The following PTOV1 variants were observed in gnomAD, a reference collection of about 807,000 sequenced individuals.
PTOV1 encodes prostate tumor-overexpressed gene 1 protein.
A neutral mutation model predicts 58.0 loss-of-function variants in PTOV1; 20 were observed. The observed-to-expected ratio is 0.34, with a 90% CI of 0.24 to 0.50. PTOV1 has a LOEUF of 0.50. PTOV1 is among the 20% of genes least tolerant of loss of function. The probability of loss-of-function intolerance (pLI) is 0.98; values close to 1 mark genes in which losing one functional copy is unlikely to be tolerated. For synonymous variants in PTOV1, 335 were observed against 234.2 expected (o/e 1.43, Z -3.93); for missense variants, 593 against 565.4 (o/e 1.05, Z -0.50).
chr19:49,858,277 A>C, intron 9 of PTOV1, 163 bp downstream of exon 9: 3 of 973,404 alleles, frequency 3.1e-6, no homozygotes, highest in South Asian at 1.6e-5. Context: ...GCTTGGCTTC[A>C]AGGGGTCCCA....
upstream of PTOV1, chr19:49,850,764 C>A (rs138145724): frequency 1.1e-3 from 1,448 of 1,297,080 alleles, 15 homozygotes; most frequent in African/African-American, 0.02. Context: ...GCAATCCGTA[C>A]CCTCAGTGGG....
intron 9 of PTOV1, 55 bp from the exon 10 acceptor site, chr19:49,858,494 C>G (rs1168259467): frequency 7.0e-7 from 1 of 1,433,744 alleles, no homozygotes; most frequent in East Asian, 2.5e-5. Context: ...GGGCTGGGAG[C>G]CGGGAGGCCG....
At chr19:49,857,944 C>T (rs779661768) in exon 8 of PTOV1, 1 of 1,613,848 alleles carries the variant, frequency 6.2e-7, no homozygotes. Flanking sequence ...AGGTGGCTGC[C>T]ATCCCACGTC....
chr19:49,851,626 C>A, intron 1 of PTOV1, 127 bp downstream of exon 1: 1 of 1,060,200 alleles, frequency 9.4e-7, no homozygotes, highest in Admixed American at 4.9e-5. Flanking sequence ...AGGGTGGTCC[C>A]GCCCGGGGCC....
intron 5 of PTOV1, 161 bp from the exon 6 acceptor site, chr19:49,856,814 G>T (rs541830157): frequency 3.7e-6 from 3 of 817,322 alleles, no homozygotes; most frequent in Non-Finnish European, 5.6e-6. Context: ...GGCGCTGCAC[G>T]GGCTCTCAGA....
At chr19:49,857,494 G>C (rs1325365371) in intron 6 of PTOV1, 199 bp from the exon 7 acceptor site, 1 of 637,272 alleles carries the variant, frequency 1.6e-6, no homozygotes, top group Non-Finnish European at 2.8e-6. Flanking sequence ...GTGAGGGCCG[G>C]GACCTGTCTC....
At chr19:49,860,695 C>T (rs1018638976) in exon 12 of PTOV1, 19 of 355,770 alleles carry the variant, frequency 5.3e-5, no homozygotes, top group South Asian at 1.8e-4. Context: ...CCTCCAAGGA[C>T]GGTCCCCACC....
chr19:49,856,646 CT>C, intron 5 of PTOV1: 1 of 345,536 alleles, frequency 2.9e-6, no homozygotes, highest in South Asian at 3.8e-5. Context: ...TGCCTGTGCT[CT>C]TAACCCCCAG....
intron 1 of PTOV1, chr19:49,852,183 C>G: frequency 1.5e-6 from 1 of 668,518 alleles, no homozygotes. Context: ...CGTGCACACG[C>G]TTGCCCCGAT....
intron 6 of PTOV1, 64 bp from the exon 7 acceptor site, chr19:49,857,629 A>G: frequency 6.8e-7 from 1 of 1,476,990 alleles, no homozygotes; most frequent in Non-Finnish European, 9.4e-7. Flanking sequence ...GGCAGGCCCC[A>G]GGACAGACAG....
intron 9 of PTOV1, 66 bp downstream of exon 9, chr19:49,858,180 G>A (rs1600393067): frequency 1.9e-6 from 3 of 1,561,164 alleles, no homozygotes; most frequent in East Asian, 2.3e-5. Context: ...GGGGCTGGGG[G>A]CAAGAGCGCC....
exon 7 of PTOV1, chr19:49,857,742 A>G (rs1463710925): frequency 2.5e-6 from 4 of 1,614,044 alleles, no homozygotes; most frequent in Non-Finnish European, 3.4e-6. Context: ...ATCGTCAACA[A>G]CAAGTTTCTG....
intron 1 of PTOV1, 135 bp from the exon 2 acceptor site, chr19:49,854,271 T>C (rs1381185549): frequency 8.3e-7 from 1 of 1,199,290 alleles, no homozygotes; most frequent in Non-Finnish European, 1.2e-6. Flanking sequence ...GCAGAGGGTT[T>C]GGACATGGCC....
At chr19:49,860,585 A>C in exon 12 of PTOV1, 1 of 539,016 alleles carries the variant, frequency 1.9e-6, no homozygotes, top group South Asian at 2.7e-5. Context: ...GCCTGTGGCC[A>C]GCAGCCCCCA....
upstream of PTOV1, chr19:49,851,024 G>A: frequency 6.5e-7 from 1 of 1,527,286 alleles, no homozygotes; most frequent in South Asian, 1.2e-5. Flanking sequence ...ACTCCCCCGC[G>A]CCGGAGAGGC....
intron 5 of PTOV1, 128 bp downstream of exon 5, chr19:49,855,205 C>G (rs1457234496): frequency 2.3e-6 from 2 of 855,336 alleles, no homozygotes; most frequent in African/African-American, 3.4e-5. Context: ...CGTGGCCTCT[C>G]GGACCCCATC....
At chr19:49,860,352 G>GTCATGTACA (rs2074699210) in exon 12 of PTOV1, 2 of 1,262,986 alleles carry the variant, frequency 1.6e-6, no homozygotes, top group Non-Finnish European at 2.1e-6. Flanking sequence ...TGGTGACCCT[G>GTCATGTACA]TCATGTACAG....
chr19:49,851,348 C>A lies in PTOV1; in HGVS notation c.20C>A (p.Ala7Asp), dbSNP rs563641001. The change falls in exon 1 of 12, where the codon GCC (alanine) becomes GAC (aspartate). Residue 7 changes from alanine to aspartate, a missense_variant. Physicochemically the swap from Ala to Asp is moderately radical, Grantham distance 126 (BLOSUM62 -2). Transcript: ENST00000391842. The stretch of plus-strand genomic sequence containing the variant: ...CCCGCCATGGTCCGTCCGCGCCGTG[C>A]CCCGTACCGCTCCGGCGCCGGGGGC... The A allele has an allele frequency of 1.7e-3, 1,898 of 1,095,420 alleles. 26 individuals are homozygous for A. The African/African-American group carries it at 0.029, about 17-fold the overall frequency. 67.9% of individuals were successfully genotyped at this position (1,095,420 alleles called of 1,614,324 possible).
intron 1 of PTOV1, among the ~76,000 whole-genome samples, chr19:49,853,733 C>T (rs555838164): frequency 3.3e-5 from 5 of 152,300 alleles, no homozygotes; most frequent in East Asian, 1.9e-4. Context: ...GTCTGTGAGA[C>T]CCCTCTGGGG....
Sources: gnomAD v4.1 joint callset for allele counts (sites outside exome capture counted in the v4.1 genomes callset) on GRCh38, gnomAD v4.1.1 for gene constraint, MANE v1.5 for transcripts, NCBI Gene and HGNC (gene_info 2026-07-23, HGNC 2026-07-21) for gene names.